The following FRMD4A variants were observed in gnomAD, a reference collection of about 807,000 sequenced individuals.
The protein encoded by FRMD4A is FERM domain-containing protein 4A.
A neutral mutation model predicts 129.1 loss-of-function variants in FRMD4A; 29 were observed. That is an observed-to-expected ratio of 0.22 (90% CI 0.17 to 0.31). The LOEUF is 0.31. Among genes scored for constraint, FRMD4A ranks in the 10% least tolerant of loss-of-function variants. FRMD4A has a pLI of 1.00. For synonymous variants in FRMD4A, 634 were observed against 571.6 expected (o/e 1.11, Z -1.56); for missense variants, 1,272 against 1,375.8 (o/e 0.92, Z 1.19).
chr10:14,165,629 G>T (rs918900108), intron 2 of FRMD4A, among the ~76,000 whole-genome samples: 2 of 152,076 alleles, frequency 1.3e-5, no homozygotes, highest in African/African-American at 4.8e-5. Flanking sequence ...ACAACGACTG[G>T]ATAAAGAAAA....
intron 13 of FRMD4A, among the ~76,000 whole-genome samples, chr10:13,701,866 G>A (rs191250249): frequency 1.8e-3 from 273 of 152,218 alleles, no homozygotes; most frequent in Middle Eastern, 0.01. Flanking sequence ...ATGTGCCTAC[G>A]GTGGGGATGA....
At chr10:14,044,037 C>T (rs1393411716) in intron 2 of FRMD4A, among the ~76,000 whole-genome samples, 1 of 152,170 alleles carries the variant, frequency 6.6e-6, no homozygotes, top group African/African-American at 2.4e-5. Flanking sequence ...CTGTGTTGCC[C>T]AGGCTGGTCT....
At chr10:14,205,076 T>G (rs1425537265) in intron 2 of FRMD4A, among the ~76,000 whole-genome samples, 4 of 120,616 alleles carry the variant, frequency 3.3e-5, no homozygotes, top group Non-Finnish European at 6.9e-5. Context: ...TTTTTTTTTT[T>G]GCTATACTTC....
At chr10:14,113,796 G>T (rs1338599996) in intron 2 of FRMD4A, among the ~76,000 whole-genome samples, 1 of 152,178 alleles carries the variant, frequency 6.6e-6, no homozygotes, top group Non-Finnish European at 1.5e-5. Flanking sequence ...GCGTGTGTGT[G>T]TGTGCTGCCA....
intron 2 of FRMD4A, among the ~76,000 whole-genome samples, chr10:14,033,605 C>G (rs754261552): frequency 6.6e-6 from 1 of 151,612 alleles, no homozygotes; most frequent in African/African-American, 2.4e-5. Flanking sequence ...GCCAACAAGG[C>G]GAAACCCCAT....
intron 3 of FRMD4A, among the ~76,000 whole-genome samples, chr10:13,842,875 A>T (rs2093988712): frequency 6.6e-6 from 1 of 152,340 alleles, no homozygotes; most frequent in South Asian, 2.1e-4. Context: ...TTCTGATTTC[A>T]TATCCTTTTT....
chr10:14,308,159 A>C (rs1367785321), intron 2 of FRMD4A, among the ~76,000 whole-genome samples: 1 of 152,208 alleles, frequency 6.6e-6, no homozygotes, highest in Non-Finnish European at 1.5e-5. Context: ...AGTCAAATGA[A>C]GCCAGTTTTG....
chr10:13,734,825 TTTC>T lies in FRMD4A; in HGVS notation c.759+3016_759+3018del, dbSNP rs200949682. Among the ~76,000 whole-genome samples, 1,012 of 151,376 alleles carry T rather than the reference TTTC, an allele frequency of 6.7e-3. 7 individuals carry two copies. Among genetic ancestry groups the T allele is most frequent in the Non-Finnish European group, 0.011 (756 of 67,930 alleles). On this transcript the variant is annotated intron_variant, in intron 12 of 24. Transcript: ENST00000357447. Reference sequence around the variant, plus strand: ...CCTAATAGGTATGCAATAACTTTTTTTTCTTCTTCTTTTTCTATTTATTTATTT... The same window carrying T: ...CCTAATAGGTATGCAATAACTTTTTTTTCTTCTTTTTCTATTTATTTATTT...
chr10:13,698,456 C>G (rs3814664), intron 14 of FRMD4A, among the ~76,000 whole-genome samples: 55,794 of 152,080 alleles, frequency 0.37, 10,729 homozygotes, highest in African/African-American at 0.49. Flanking sequence ...CATCAGAGAT[C>G]AATCACATCG....
chr10:13,698,479 G>T (rs992856827), intron 14 of FRMD4A, among the ~76,000 whole-genome samples: 1 of 152,296 alleles, frequency 6.6e-6, no homozygotes, highest in Non-Finnish European at 1.5e-5. Flanking sequence ...GTTCTATAAA[G>T]AACATTCCAG....
chr10:14,184,149 T>TGA (rs1313930676), intron 2 of FRMD4A, among the ~76,000 whole-genome samples: 6 of 85,634 alleles, frequency 7.0e-5, no homozygotes, highest in African/African-American at 2.0e-4. Flanking sequence ...TTTTTTTTTT[T>TGA]GAGAGAGTCT....
intron 9 of FRMD4A, among the ~76,000 whole-genome samples, chr10:13,745,321 G>T (rs1272505218): frequency 1.3e-5 from 2 of 152,152 alleles, no homozygotes; most frequent in Admixed American, 6.5e-5. Flanking sequence ...TTTCAGTAGG[G>T]TATCGTCAGG....
chr10:14,106,008 T>G (rs917187556), intron 2 of FRMD4A, among the ~76,000 whole-genome samples: 1 of 152,224 alleles, frequency 6.6e-6, no homozygotes, highest in Admixed American at 6.5e-5. Context: ...ACTCCATTAA[T>G]TCTTTAGGGA....
chr10:14,202,353 G>A (rs904367838), intron 2 of FRMD4A, among the ~76,000 whole-genome samples: 1 of 152,168 alleles, frequency 6.6e-6, no homozygotes, highest in African/African-American at 2.4e-5. Flanking sequence ...AATAGGAATA[G>A]TGGTCCTCAT....
At chr10:14,200,837 C>T (rs1842615782) in intron 2 of FRMD4A, among the ~76,000 whole-genome samples, 6 of 152,148 alleles carry the variant, frequency 3.9e-5, no homozygotes, top group Admixed American at 3.9e-4. Context: ...CTTCTAGGTT[C>T]TGCCGGTAGG....
chr10:13,651,466 ACTTAAAG>A (rs1449060055), intron 24 of FRMD4A: 5 of 167,134 alleles, frequency 3.0e-5, no homozygotes, highest in South Asian at 1.6e-4. Flanking sequence ...CGCACAGATC[ACTTAAAG>A]CTTAAAGTCA....
rs750389629 is a variant in FRMD4A, at chr10:13,659,410, C to A, written c.1979G>T (p.Arg660Leu). The change falls in exon 21 of 25, where the codon CGC (arginine) becomes CTC (leucine). Residue 660 changes from arginine to leucine, a missense_variant. By Grantham distance (102) the Arg-to-Leu change is moderately radical. Around this residue, in one of 2 missense-constraint regions of FRMD4A, gnomAD observed 972 missense variants for 892.3 expected, o/e 1.09. Transcript: ENST00000357447. ...CTGGGAGTTCCAGTGCGGGAGGCCG[C>A]GGATGGGGCTGTTCTGCAAGGAGTT... ...GSNSLQNSPI[R>L]GLPHWNSQSS... 3.7e-6 allele frequency: 6 copies of A among 1,613,892 alleles called. No individual in the cohort carries two copies. Among genetic ancestry groups the A allele is most frequent in the African/African-American group, 2.7e-5 (2 of 74,922 alleles).
chr10:13,696,111 C>G (rs566185964), intron 14 of FRMD4A, among the ~76,000 whole-genome samples: 1 of 152,298 alleles, frequency 6.6e-6, no homozygotes, highest in South Asian at 2.1e-4. Context: ...TCCTTGCATT[C>G]AGACTGAAGT....
chr10:13,817,545 C>A (rs2093564530), intron 3 of FRMD4A, among the ~76,000 whole-genome samples: 1 of 152,190 alleles, frequency 6.6e-6, no homozygotes, highest in Non-Finnish European at 1.5e-5. Flanking sequence ...AAGGGCGAGG[C>A]CAGGTGGAGA....
Sources: allele counts gnomAD v4.1 joint callset (sites outside exome capture counted in the v4.1 genomes callset), GRCh38; gene constraint gnomAD v4.1.1; regional missense constraint gnomAD v4.1.1; transcripts MANE v1.5; gene names NCBI Gene and HGNC (gene_info 2026-07-23, HGNC 2026-07-21).